DAB1: variants seen among roughly 807,000 people sequenced by gnomAD.
The protein encoded by DAB1 is DAB adaptor protein 1, also known as disabled homolog 1.
Under a neutral mutation model 64.6 loss-of-function variants are expected in DAB1, and 15 were observed. That is an observed-to-expected ratio of 0.23 (90% confidence interval 0.16 to 0.36). The LOEUF (loss-of-function observed/expected upper bound fraction) is 0.36, where lower values mean the gene tolerates loss of function less well. Among genes scored for constraint, DAB1 ranks in the 10% least tolerant of loss-of-function variants. DAB1 has a pLI of 1.00. For missense variants in DAB1, 596 were observed against 706.7 expected (o/e 0.84, Z 1.78); for synonymous variants, 235 against 251.9 (o/e 0.93, Z 0.64).
At position 58,249,628 on chromosome 1, in the gene DAB1, A is replaced by T. The variant is rs143771591; in HGVS notation, n.309+93724T>A. Among the ~76,000 whole-genome samples, 1,079 of 152,046 alleles carry T rather than the reference A, an allele frequency of 7.1e-3. 4 individuals are homozygous for T. The highest frequency in any genetic ancestry group is 0.02 in the Middle Eastern group (6 of 294). On this transcript the variant is annotated intron_variant and non_coding_transcript_variant, in intron 4 of 20. Coordinates refer to the DAB1 transcript ENST00000485760. ...CGGACTGAGCGAGGAAATGCTCAAG[A>T]CCACAGGACTGAACCCCCCGGAAGT...
intron 7 of DAB1, among the ~76,000 whole-genome samples, chr1:57,643,639 A>G (rs930301519): frequency 6.6e-6 from 1 of 152,216 alleles, no homozygotes; most frequent in African/African-American, 2.4e-5. Flanking sequence ...CAATTTAGGA[A>G]AAGATTTACT....
At chr1:57,964,608 T>C (rs1270249336) in intron 5 of DAB1, among the ~76,000 whole-genome samples, 2 of 152,188 alleles carry the variant, frequency 1.3e-5, no homozygotes, top group East Asian at 3.9e-4. Flanking sequence ...AGATTTGACA[T>C]TACAATTGTT....
chr1:58,326,084 C>T (rs992375269), intron 4 of DAB1, among the ~76,000 whole-genome samples: 4 of 152,150 alleles, frequency 2.6e-5, no homozygotes, highest in African/African-American at 7.2e-5. Context: ...TATTCAGCTT[C>T]GTAATTACGT....
At chr1:57,569,208 G>A (rs1645162986) in intron 7 of DAB1, among the ~76,000 whole-genome samples, 1 of 131,210 alleles carries the variant, frequency 7.6e-6, no homozygotes, top group African/African-American at 2.8e-5. Context: ...GCAGTGAGCC[G>A]AGATTGCGCC....
intron 2 of DAB1, among the ~76,000 whole-genome samples, chr1:57,227,766 A>T (rs1667383708): frequency 6.6e-6 from 1 of 152,098 alleles, no homozygotes; most frequent in African/African-American, 2.4e-5. Context: ...CCATGTTGCC[A>T]GGCTGATCTT....
chr1:57,629,186 C>T (rs992784183), intron 7 of DAB1, among the ~76,000 whole-genome samples: 5 of 152,200 alleles, frequency 3.3e-5, no homozygotes, highest in African/African-American at 7.2e-5. Flanking sequence ...AGGAAAGGGA[C>T]ACATTTACTG....
chr1:57,570,272 C>T (rs1201358010), intron 7 of DAB1, among the ~76,000 whole-genome samples: 6 of 152,022 alleles, frequency 3.9e-5, no homozygotes, highest in Non-Finnish European at 7.4e-5. Context: ...TGCTTCCTGC[C>T]CTGGAATATC....
chr1:57,647,583 C>T (rs56250050), intron 7 of DAB1, among the ~76,000 whole-genome samples: 225 of 152,294 alleles, frequency 1.5e-3, no homozygotes, highest in African/African-American at 5.3e-3. Context: ...ACTGCCAAGC[C>T]CCTTAACCTT....
intron 4 of DAB1, among the ~76,000 whole-genome samples, chr1:57,084,878 G>T (rs544925759): frequency 6.6e-6 from 1 of 152,142 alleles, no homozygotes; most frequent in Non-Finnish European, 1.5e-5. Flanking sequence ...CCACTGAGGT[G>T]GTGGGCTGAG....
intron 6 of DAB1, among the ~76,000 whole-genome samples, chr1:57,816,238 C>T (rs1651849848): frequency 6.6e-6 from 1 of 152,206 alleles, no homozygotes; most frequent in Admixed American, 6.5e-5. Flanking sequence ...TCGGCTCTAC[C>T]TTAAGATTTC....
chr1:57,392,953 G>A (rs1179480407), intron 1 of DAB1, among the ~76,000 whole-genome samples: 1 of 152,184 alleles, frequency 6.6e-6, no homozygotes, highest in African/African-American at 2.4e-5. Context: ...GAGGAAAAGT[G>A]TAAGCTTTGG....
At chr1:57,807,759 T>C (rs752540420) in intron 6 of DAB1, among the ~76,000 whole-genome samples, 1 of 152,084 alleles carries the variant, frequency 6.6e-6, no homozygotes, top group Non-Finnish European at 1.5e-5. Context: ...CATCTCTTCT[T>C]CCTCAAACAC....
At chr1:57,417,771 T>TA (rs1237641795) in intron 1 of DAB1, among the ~76,000 whole-genome samples, 3 of 152,120 alleles carry the variant, frequency 2.0e-5, no homozygotes, top group East Asian at 3.9e-4. Flanking sequence ...AATGCTCTAT[T>TA]AAAAAAACCC....
chr1:57,597,679 T>G (rs1339065749), intron 7 of DAB1, among the ~76,000 whole-genome samples: 2 of 152,364 alleles, frequency 1.3e-5, no homozygotes, highest in East Asian at 1.9e-4. Flanking sequence ...TGGGCCAGCC[T>G]TTTCAGGCAT....
At chr1:57,240,586 A>T (rs1279776694) in intron 2 of DAB1, among the ~76,000 whole-genome samples, 2 of 152,226 alleles carry the variant, frequency 1.3e-5, no homozygotes, top group African/African-American at 4.8e-5. Flanking sequence ...AATTAGAGAC[A>T]TGCAAACTCA....
At chr1:57,590,311 T>G (rs964468444) in intron 7 of DAB1, among the ~76,000 whole-genome samples, 3 of 137,852 alleles carry the variant, frequency 2.2e-5, no homozygotes, top group Admixed American at 7.0e-5. Context: ...TTTCTTTTCT[T>G]TTATTTATTT....
In DAB1 at chr1:57,325,401, A is replaced by G. The variant is rs113723711; in HGVS notation, c.-136-34235T>C. Among the ~76,000 whole-genome samples the G allele has an allele frequency of 7.4e-3, 1,132 of 152,320 alleles. 7 individuals carry two copies. Among genetic ancestry groups the G allele is most frequent in the Non-Finnish European group, 0.012 (797 of 68,034 alleles). The stretch of plus-strand genomic sequence containing the variant: ...AACTCAGCCCCAACACTTGGAGCAC[A>G]TTGCTTAACTTTTCTGAACTTTGGT... On this transcript the variant is annotated intron_variant, in intron 1 of 14. Coordinates refer to ENST00000371236, the MANE Select transcript of DAB1 (RefSeq NM_001365792.1).
At chr1:57,821,677 C>G (rs1652127562), downstream of DAB1, among the ~76,000 whole-genome samples, 1 of 152,066 alleles carries the variant, frequency 6.6e-6, no homozygotes, top group African/African-American at 2.4e-5. Context: ...GAATGCAACC[C>G]ACAGGTTAGA....
At chr1:57,606,651 T>TATGAAATATATTATATA (rs1491314125) in intron 7 of DAB1, among the ~76,000 whole-genome samples, 1 of 76,260 alleles carries the variant, frequency 1.3e-5, no homozygotes, top group African/African-American at 6.7e-5. Context: ...GAAATATATA[T>TATGAAATATATTATATA]TATGTATGAA....
Sources: gnomAD v4.1 joint callset for allele counts (sites outside exome capture counted in the v4.1 genomes callset) on GRCh38, gnomAD v4.1.1 for gene constraint, MANE v1.5 for transcripts, NCBI Gene and HGNC (gene_info 2026-07-23, HGNC 2026-07-21) for gene names.